The following CTNND1 variants were observed in gnomAD, a reference collection of about 807,000 sequenced individuals.
The protein encoded by CTNND1 is catenin delta 1, also known as catenin delta-1.
A neutral mutation model predicts 112.1 loss-of-function variants in CTNND1; 16 were observed. That is an observed-to-expected ratio of 0.14 (90% confidence interval 0.10 to 0.22). The LOEUF is 0.22. CTNND1 is among the 10% of genes least tolerant of loss of function. The pLI is 1.00. For missense variants in CTNND1, 1,008 were observed against 1,257.0 expected, an observed-to-expected ratio of 0.80 and a Z score of 3.00; for synonymous variants, 420 against 446.5, an observed-to-expected ratio of 0.94 and a Z score of 0.75.
intron 1 of CTNND1, among the ~76,000 whole-genome samples, chr11:57,764,293 C>G (rs1030418736): frequency 1.3e-5 from 2 of 151,984 alleles, no homozygotes; most frequent in African/African-American, 4.8e-5. Context: ...CTCAGGGTTC[C>G]AGCATGGACA....
In CTNND1 at chr11:57,773,965, T is replaced by G. The variant is rs575430845; in HGVS notation, c.-214+11846T>G. Among the ~76,000 whole-genome samples, 39 of 152,262 alleles carry G rather than the reference T, an allele frequency of 2.6e-4. 1 individual carries two copies. In the South Asian group the frequency reaches 5.4e-3, roughly 21 times the overall value. ...AAACAAAACAATTTTATTTTTGGTTTTGTTTTAAATGTACCTTTATTGTTT... is the reference window on the plus strand; with the variant it reads ...AAACAAAACAATTTTATTTTTGGTTGTGTTTTAAATGTACCTTTATTGTTT... On this transcript the variant is annotated intron_variant, in intron 1 of 20. Coordinates refer to ENST00000399050, the MANE Select transcript of CTNND1 (RefSeq NM_001085458.2).
intron 17 of CTNND1, among the ~76,000 whole-genome samples, chr11:57,813,360 T>A (rs1165386492): frequency 2.0e-5 from 3 of 152,190 alleles, no homozygotes; most frequent in Non-Finnish European, 4.4e-5. Context: ...AAGACTTTTC[T>A]AATGAAATAA....
chr11:57,783,749 A>G (rs1281994101), intron 1 of CTNND1, among the ~76,000 whole-genome samples: 1 of 152,154 alleles, frequency 6.6e-6, no homozygotes, highest in African/African-American at 2.4e-5. Flanking sequence ...TTGAACCGGA[A>G]TATTTCTTCA....
intron 1 of CTNND1, chr11:57,781,784 A>G (rs1378632905): frequency 2.0e-5 from 3 of 152,378 alleles, no homozygotes; most frequent in East Asian, 1.9e-4. Flanking sequence ...TTGTTAGACC[A>G]GTCCTGTGTG....
Position 57,803,612 on chromosome 11 carries a change from C to G in CTNND1, c.1421-9C>G. On this transcript the variant is annotated splice_polypyrimidine_tract_variant and intron_variant, in intron 7 of 20. Coordinates refer to ENST00000399050, the MANE Select transcript of CTNND1 (RefSeq NM_001085458.2). ...GCTCAAGAGCCATCTGATGAATTGTCTCTTCCAGGAACCCTGTGGAATCTT... is the reference window on the plus strand; with the variant it reads ...GCTCAAGAGCCATCTGATGAATTGTGTCTTCCAGGAACCCTGTGGAATCTT... The G allele has an allele frequency of 6.2e-7, 1 of 1,601,978 alleles. No individual in the cohort carries two copies. The highest frequency in any genetic ancestry group is 8.5e-7 in the Non-Finnish European group (1 of 1,173,854).
At chr11:57,809,889 T>C (rs1370592474) in intron 15 of CTNND1, among the ~76,000 whole-genome samples, 1 of 152,040 alleles carries the variant, frequency 6.6e-6, no homozygotes, top group African/African-American at 2.4e-5. Context: ...TTTTGTACTT[T>C]TAGTGGAGAT....
At chr11:57,799,914 G>A (rs577778860) in intron 6 of CTNND1, among the ~76,000 whole-genome samples, 1 of 149,128 alleles carries the variant, frequency 6.7e-6, no homozygotes, top group South Asian at 2.1e-4. Flanking sequence ...CTACTAAAAT[G>A]GAATCTTAAC....
At chr11:57,771,973 G>A (rs1165495559) in intron 1 of CTNND1, among the ~76,000 whole-genome samples, 3 of 150,162 alleles carry the variant, frequency 2.0e-5, no homozygotes, top group East Asian at 1.9e-4. Flanking sequence ...GGTCTGTCTC[G>A]GCAGTGTTAA....
chr11:57,811,356 A>G, intron 16 of CTNND1, 43 bp from the exon 17 acceptor site: 1 of 1,493,464 alleles, frequency 6.7e-7, no homozygotes, highest in Non-Finnish European at 9.3e-7. Flanking sequence ...GATAGGGTGA[A>G]TTCAGTATTC....
chr11:57,795,008 G>C (rs543373457), intron 4 of CTNND1, among the ~76,000 whole-genome samples: 78 of 152,016 alleles, frequency 5.1e-4, no homozygotes, highest in African/African-American at 1.9e-3. Context: ...AGACCAGCCT[G>C]GGCAACATAG....
chr11:57,775,232 G>A (rs1473879272), intron 1 of CTNND1, among the ~76,000 whole-genome samples: 3 of 151,712 alleles, frequency 2.0e-5, no homozygotes, highest in East Asian at 3.9e-4. Context: ...AGCCAGGCAC[G>A]GTGGCCTGTG....
chr11:57,771,832 AT>A (rs1952705461), intron 1 of CTNND1, among the ~76,000 whole-genome samples: 1 of 152,150 alleles, frequency 6.6e-6, no homozygotes, highest in African/African-American at 2.4e-5. Context: ...ATAGTAGCAG[AT>A]TTTGCATAGG....
chr11:57,777,076 A>C (rs1954455661), intron 1 of CTNND1, among the ~76,000 whole-genome samples: 1 of 152,178 alleles, frequency 6.6e-6, no homozygotes, highest in Non-Finnish European at 1.5e-5. Context: ...TATTCTTGAG[A>C]GATAAAGGGA....
At position 57,805,879 on chromosome 11, in the gene CTNND1, A is replaced by C. The variant is rs777277849; in HGVS notation, c.1723-3A>C. The C allele has an allele frequency of 1.2e-6, 2 of 1,613,300 alleles. No homozygotes were observed. The highest frequency in any genetic ancestry group is 1.7e-6 in the Non-Finnish European group (2 of 1,179,528). On this transcript the variant is annotated splice_region_variant and splice_polypyrimidine_tract_variant and intron_variant, in intron 9 of 20. Coordinates refer to ENST00000399050, the MANE Select transcript of CTNND1 (RefSeq NM_001085458.2). The stretch of plus-strand genomic sequence containing the variant: ...TTCTCATTGGCCCTTTTATGTCCCT[A>C]AGCTTGTAGAGAACTGTGTTTGCCT...
chr11:57,816,117 G>C (rs1046782813), intron 20 of CTNND1, 116 bp downstream of exon 20: 1 of 1,127,420 alleles, frequency 8.9e-7, no homozygotes, highest in Non-Finnish European at 1.3e-6. Flanking sequence ...TCAGCCACAT[G>C]GGGCTCGAGG....
intron 1 of CTNND1, among the ~76,000 whole-genome samples, chr11:57,776,811 T>G (rs1354037576): frequency 2.0e-5 from 3 of 152,200 alleles, no homozygotes. Context: ...CTCAATTTGA[T>G]GCAGAGAACT....
rs777760355 is a variant in CTNND1, at chr11:57,796,449, A to G, written c.421-8A>G. 3 of 1,560,978 alleles carry G rather than the reference A, an allele frequency of 1.9e-6. No individual in the cohort carries two copies. Among genetic ancestry groups the G allele is most frequent in the Non-Finnish European group, 2.6e-6 (3 of 1,156,890 alleles). On this transcript the variant is annotated splice_polypyrimidine_tract_variant and splice_region_variant and intron_variant, in intron 5 of 20. Coordinates refer to ENST00000399050, the MANE Select transcript of CTNND1 (RefSeq NM_001085458.2). ...TTAGTTTTTCTTTTTCTTGTTTCCTACTTGCAGGTCAAGAAAGTAGTGAAG... is the reference window on the plus strand; with the variant it reads ...TTAGTTTTTCTTTTTCTTGTTTCCTGCTTGCAGGTCAAGAAAGTAGTGAAG...
At position 57,817,947 on chromosome 11, in the gene CTNND1, C is replaced by T. The variant is rs1377448723; in HGVS notation, c.*1639C>T. On this transcript the variant is annotated 3_prime_UTR_variant, in exon 21 of 21. Coordinates refer to ENST00000399050, the MANE Select transcript of CTNND1 (RefSeq NM_001085458.2). Reference sequence around the variant, plus strand: ...AGTTCCTTATCCCTCTCTTCCCCTTCCCTTATATATTGAGGCTATGGGGTA... The same window carrying T: ...AGTTCCTTATCCCTCTCTTCCCCTTTCCTTATATATTGAGGCTATGGGGTA... 1 of 152,560 alleles carries T rather than the reference C, an allele frequency of 6.6e-6. No homozygotes were observed. The highest frequency in any genetic ancestry group is 1.5e-5 in the Non-Finnish European group (1 of 68,030). The allele number at this position is 152,560 out of a possible 1,614,324, so 9.5% of individuals were successfully genotyped here. A position where few individuals can be genotyped will look rare whatever the true frequency, so the allele number is the denominator to read the frequency against.
intron 1 of CTNND1, among the ~76,000 whole-genome samples, chr11:57,784,884 AAATTAT>A (rs1305544746): frequency 3.9e-5 from 6 of 152,196 alleles, no homozygotes; most frequent in Non-Finnish European, 8.8e-5. Context: ...TCTGAAGACA[AAATTAT>A]TTTTGCAAAA....
Sources: allele counts gnomAD v4.1 joint callset (sites outside exome capture counted in the v4.1 genomes callset), GRCh38; gene constraint gnomAD v4.1.1; transcripts MANE v1.5; gene names NCBI Gene and HGNC (gene_info 2026-07-23, HGNC 2026-07-21).